PAPPA: variants seen among roughly 807,000 people sequenced by gnomAD.
PAPPA encodes the protein pappalysin 1, also known as pappalysin-1.
Under a neutral mutation model 164.0 loss-of-function variants are expected in PAPPA, and 60 were observed. That is an observed-to-expected ratio of 0.37 (90% CI 0.30 to 0.45). The LOEUF (loss-of-function observed/expected upper bound fraction) is 0.45. Among genes scored for constraint, PAPPA ranks in the 20% least tolerant of loss-of-function variants. The pLI is 1.00. For synonymous variants in PAPPA, 875 were observed against 814.1 expected, an observed-to-expected ratio of 1.07 and a Z score of -1.27; for missense variants, 1,782 against 2,087.3, an observed-to-expected ratio of 0.85 and a Z score of 2.85.
At chr9:116,201,610 T>C (rs1844171904) in intron 2 of PAPPA, among the ~76,000 whole-genome samples, 1 of 152,190 alleles carries the variant, frequency 6.6e-6, no homozygotes, top group Admixed American at 6.5e-5. Flanking sequence ...TGGGTACTCT[T>C]CTAGGCATTT....
intron 10 of PAPPA, among the ~76,000 whole-genome samples, chr9:116,330,698 G>A (rs1367114970): frequency 6.6e-6 from 1 of 151,968 alleles, no homozygotes; most frequent in East Asian, 1.9e-4. Flanking sequence ...AATGTTTTCA[G>A]TCTTTTCTCT....
rs142931748 is a variant in PAPPA, at chr9:116,362,618, C to T, written c.4374C>T (p.Cys1458=). 12,311 of 1,613,836 alleles carry T rather than the reference C, an allele frequency of 7.6e-3. 78 individuals carry two copies. The highest frequency in any genetic ancestry group is 9.2e-3 in the Non-Finnish European group (10,843 of 1,179,842). The change falls in exon 18 of 22, where the codon TGC becomes TGT. Residue 1458 remains cysteine (C), a synonymous_variant. Coordinates refer to ENST00000328252, the MANE Select transcript of PAPPA (RefSeq NM_002581.5). ...GACTTGGGAGCAATGTCATTCATTG[C>T]CGGAAAGATGGCACCTGGAACGGCT... ...SQGLGSNVIH[C]RKDGTWNGSF... is the part of the protein sequence containing the mutation.
At chr9:116,265,779 C>A in intron 7 of PAPPA, 78 bp from the exon 8 acceptor site, 1 of 1,214,306 alleles carries the variant, frequency 8.2e-7, no homozygotes, top group South Asian at 1.4e-5. Flanking sequence ...GAACCTACTC[C>A]AGGGGATCAA....
At chr9:116,168,607 T>C (rs3789270) in intron 1 of PAPPA, among the ~76,000 whole-genome samples, 68,386 of 152,138 alleles carry the variant, frequency 0.45, 18,308 homozygotes, top group Non-Finnish European at 0.61. Context: ...GTAGAGTGTG[T>C]GCTCTGCCTT....
chr9:116,381,890 A>G (rs1846736271), intron 20 of PAPPA, among the ~76,000 whole-genome samples: 1 of 152,222 alleles, frequency 6.6e-6, no homozygotes, highest in Admixed American at 6.5e-5. Flanking sequence ...TCACACACAG[A>G]CCATGGTGCC....
rs115966044 is a variant in PAPPA at position 116,389,070 on chromosome 9, G to A, written c.4776+6577G>A. On this transcript the variant is annotated intron_variant, in intron 21 of 21. Coordinates refer to ENST00000328252, the MANE Select transcript of PAPPA (RefSeq NM_002581.5). ...TACATTGACAAAGGGCTGGATGTTGGGTAGCTGACTTGGGGATGTACATCA... is the reference window on the plus strand; with the variant it reads ...TACATTGACAAAGGGCTGGATGTTGAGTAGCTGACTTGGGGATGTACATCA... 6.6e-3 allele frequency among the ~76,000 whole-genome samples: 1,001 copies of A among 152,004 alleles called. 10 individuals are homozygous for A. Among genetic ancestry groups the A allele is most frequent in the African/African-American group, 0.023 (957 of 41,468 alleles).
At chr9:116,215,654 A>T (rs778242731) in intron 4 of PAPPA, among the ~76,000 whole-genome samples, 5 of 152,112 alleles carry the variant, frequency 3.3e-5, no homozygotes, top group Non-Finnish European at 7.3e-5. Context: ...TGGCCTTAAT[A>T]CTTGGGTGAT....
intron 13 of PAPPA, among the ~76,000 whole-genome samples, chr9:116,341,686 C>G (rs1846139511): frequency 6.6e-6 from 1 of 152,200 alleles, no homozygotes; most frequent in African/African-American, 2.4e-5. Flanking sequence ...CTTGTTTATC[C>G]CCTCCGTCCA....
intron 7 of PAPPA, among the ~76,000 whole-genome samples, chr9:116,254,652 G>C (rs1370108571): frequency 6.6e-6 from 1 of 151,722 alleles, no homozygotes; most frequent in Non-Finnish European, 1.5e-5. Flanking sequence ...CGTGGTGGTG[G>C]GCGCCTGTAA....
intron 13 of PAPPA, 26 bp downstream of exon 13, chr9:116,335,100 C>T: frequency 6.3e-7 from 1 of 1,581,266 alleles, no homozygotes; most frequent in Non-Finnish European, 8.7e-7. Context: ...CAGACTCGCC[C>T]TAGGCCACTT....
chr9:116,338,136 G>T (rs747488285), intron 13 of PAPPA, among the ~76,000 whole-genome samples: 1 of 152,048 alleles, frequency 6.6e-6, no homozygotes, highest in East Asian at 1.9e-4. Flanking sequence ...AACAGAAATT[G>T]AACAGTTTAT....
intron 1 of PAPPA, among the ~76,000 whole-genome samples, chr9:116,167,676 G>C (rs1246300859): frequency 1.3e-5 from 2 of 152,150 alleles, no homozygotes; most frequent in African/African-American, 4.8e-5. Context: ...GAATAGAACA[G>C]TGACTCTGGA....
chr9:116,327,582 G>A (rs563065327), intron 10 of PAPPA, among the ~76,000 whole-genome samples: 70 of 26,156 alleles, frequency 2.7e-3, no homozygotes, highest in Admixed American at 9.5e-3. Context: ...TGCCTTTTTG[G>A]AAGGTGAAAA....
At chr9:116,266,937 A>G (rs1173716361) in intron 8 of PAPPA, among the ~76,000 whole-genome samples, 1 of 152,252 alleles carries the variant, frequency 6.6e-6, no homozygotes, top group Admixed American at 6.5e-5. Context: ...ATTTAATGAT[A>G]AACATTACAT....
chr9:116,281,233 C>T (rs1415485492), intron 9 of PAPPA, among the ~76,000 whole-genome samples: 3 of 152,012 alleles, frequency 2.0e-5, no homozygotes, highest in Admixed American at 6.6e-5. Flanking sequence ...ACCAATGCTT[C>T]GAAGATACCT....
chr9:116,306,851 C>T (rs997096987), intron 10 of PAPPA, among the ~76,000 whole-genome samples: 1 of 152,228 alleles, frequency 6.6e-6, no homozygotes, highest in Non-Finnish European at 1.5e-5. Context: ...ACAGGCACCT[C>T]CCTCCTTTGC....
chr9:116,225,251 T>C (rs1466884913), intron 5 of PAPPA, among the ~76,000 whole-genome samples: 1 of 152,246 alleles, frequency 6.6e-6, no homozygotes, highest in Non-Finnish European at 1.5e-5. Context: ...ATTGTGGTCA[T>C]CCTAAGGGAA....
chr9:116,327,797 T>C (rs989125927), intron 10 of PAPPA, among the ~76,000 whole-genome samples: 5 of 152,150 alleles, frequency 3.3e-5, no homozygotes, highest in African/African-American at 9.7e-5. Context: ...AGGAGGCTTG[T>C]AAGGGTTTGC....
In PAPPA at chr9:116,371,154, C is replaced by T. The variant is rs191156306; in HGVS notation, c.4605+3400C>T. On this transcript the variant is annotated intron_variant, in intron 19 of 21. Coordinates refer to ENST00000328252, the MANE Select transcript of PAPPA (RefSeq NM_002581.5). ...TGAGGCAGCCGGGCGCGGTGGCTCA[C>T]GCCTGTAATCCCAGCACATTGTGAG... Among the ~76,000 whole-genome samples the T allele has an allele frequency of 2.7e-5, 4 of 148,058 alleles. No homozygotes were observed. In the East Asian group the frequency reaches 6.0e-4, roughly 22 times the overall value.
Sources: allele counts gnomAD v4.1 joint callset (sites outside exome capture counted in the v4.1 genomes callset), GRCh38; gene constraint gnomAD v4.1.1; transcripts MANE v1.5; gene names NCBI Gene and HGNC (gene_info 2026-07-23, HGNC 2026-07-21).